LHFPL3: variants seen among roughly 807,000 people sequenced by gnomAD.
The protein encoded by LHFPL3 is LHFPL tetraspan subfamily member 3, also known as LHFPL tetraspan subfamily member 3 protein.
A neutral mutation model predicts 19.3 loss-of-function variants in LHFPL3; 5 were observed. The ratio of observed to expected loss-of-function variants is 0.26; its 90% CI spans 0.14 to 0.54. The LOEUF (loss-of-function observed/expected upper bound fraction) is 0.54. LHFPL3 is among the 20% of genes least tolerant of loss of function. LHFPL3 has a pLI of 0.94. For missense variants in LHFPL3, 249 were observed against 307.4 expected, an observed-to-expected ratio of 0.81 and a Z score of 1.42; for synonymous variants, 133 against 126.2, an observed-to-expected ratio of 1.05 and a Z score of -0.36.
chr7:104,780,253 G>A (rs528163188), intron 2 of LHFPL3, among the ~76,000 whole-genome samples: 1 of 144,178 alleles, frequency 6.9e-6, no homozygotes, highest in Non-Finnish European at 1.5e-5. Flanking sequence ...TTGAAAGAAA[G>A]GGAGCCAGAG....
At chr7:104,650,436 G>C (rs937841844) in intron 1 of LHFPL3, among the ~76,000 whole-genome samples, 6 of 152,210 alleles carry the variant, frequency 3.9e-5, no homozygotes, top group Non-Finnish European at 8.8e-5. Context: ...TACTTAGCGA[G>C]CAGTCCCTTC....
intron 1 of LHFPL3, among the ~76,000 whole-genome samples, chr7:104,382,402 C>T (rs1048055465): frequency 3.3e-5 from 5 of 152,288 alleles, no homozygotes; most frequent in Middle Eastern, 3.4e-3. Context: ...GCAAGAGAAT[C>T]GCTTGAACCT....
At chr7:104,513,504 C>T (rs1793861491) in intron 1 of LHFPL3, among the ~76,000 whole-genome samples, 1 of 152,052 alleles carries the variant, frequency 6.6e-6, no homozygotes, top group Non-Finnish European at 1.5e-5. Flanking sequence ...TGGAACTGTC[C>T]CTGGTGTTCC....
chr7:104,606,468 G>A (rs1235556356), intron 1 of LHFPL3, among the ~76,000 whole-genome samples: 3 of 152,152 alleles, frequency 2.0e-5, no homozygotes, highest in Admixed American at 2.0e-4. Flanking sequence ...TGTGAGGTTG[G>A]CAAATCACTT....
chr7:104,818,011 G>A (rs1474992866), intron 2 of LHFPL3, among the ~76,000 whole-genome samples: 2 of 152,138 alleles, frequency 1.3e-5, no homozygotes, highest in East Asian at 3.9e-4. Flanking sequence ...AGTGTCTACC[G>A]TATTGGACAG....
chr7:104,501,204 C>T (rs773417819), intron 1 of LHFPL3, among the ~76,000 whole-genome samples: 30 of 152,242 alleles, frequency 2.0e-4, no homozygotes, highest in Middle Eastern at 3.4e-3. Flanking sequence ...AAATATTATT[C>T]CTTGGTTAAT....
chr7:104,479,583 C>T (rs760234104), intron 1 of LHFPL3, among the ~76,000 whole-genome samples: 1 of 151,900 alleles, frequency 6.6e-6, no homozygotes, highest in Non-Finnish European at 1.5e-5. Context: ...GTAGAGACGG[C>T]GTTTCACCAT....
intron 1 of LHFPL3, among the ~76,000 whole-genome samples, chr7:104,346,678 A>C (rs906538273): frequency 2.0e-5 from 2 of 100,568 alleles, no homozygotes; most frequent in African/African-American, 9.7e-5. Context: ...GATTTCTCTT[A>C]GTTCTATAAA....
chr7:104,690,506 T>C (rs1339266063), intron 1 of LHFPL3, among the ~76,000 whole-genome samples: 4 of 152,204 alleles, frequency 2.6e-5, no homozygotes, highest in Non-Finnish European at 2.9e-5. Flanking sequence ...ATTATCCTGA[T>C]TGGATCCAGG....
chr7:104,869,154 A>G (rs1195096617), intron 2 of LHFPL3, among the ~76,000 whole-genome samples: 1 of 152,244 alleles, frequency 6.6e-6, no homozygotes, highest in Non-Finnish European at 1.5e-5. Flanking sequence ...AAACCTAGGC[A>G]ATACCATTCA....
chr7:104,728,727 G>A (rs1793634494), intron 1 of LHFPL3, among the ~76,000 whole-genome samples: 1 of 151,994 alleles, frequency 6.6e-6, no homozygotes, highest in Non-Finnish European at 1.5e-5. Flanking sequence ...TTATTTGTAT[G>A]CTTACTCATT....
intron 2 of LHFPL3, among the ~76,000 whole-genome samples, chr7:104,867,694 C>A (rs750297536): frequency 2.0e-5 from 3 of 151,440 alleles, no homozygotes; most frequent in Admixed American, 2.0e-4. Flanking sequence ...TTCCAATCAA[C>A]AGAAAAAGAG....
chr7:104,801,543 G>GT (rs1790245628), intron 2 of LHFPL3, among the ~76,000 whole-genome samples: 1 of 151,962 alleles, frequency 6.6e-6, no homozygotes, highest in Admixed American at 6.6e-5. Flanking sequence ...TTGTTTTTTT[G>GT]TTTTTGTATG....
chr7:104,495,443 GC>G (rs1793450687), intron 1 of LHFPL3, among the ~76,000 whole-genome samples: 1 of 152,132 alleles, frequency 6.6e-6, no homozygotes, highest in African/African-American at 2.4e-5. Flanking sequence ...GAGTGCAGTG[GC>G]ACAATCTCAG....
At chr7:104,761,799 C>T (rs1487202546) in intron 2 of LHFPL3, among the ~76,000 whole-genome samples, 2 of 152,116 alleles carry the variant, frequency 1.3e-5, no homozygotes, top group African/African-American at 4.8e-5. Context: ...AACACAAAAC[C>T]CATCCTTGGG....
intron 1 of LHFPL3, among the ~76,000 whole-genome samples, chr7:104,395,997 A>G (rs1452149260): frequency 6.6e-6 from 1 of 152,192 alleles, no homozygotes; most frequent in African/African-American, 2.4e-5. Flanking sequence ...ACCAATGGCA[A>G]AAAGGCAGGT....
intron 1 of LHFPL3, among the ~76,000 whole-genome samples, chr7:104,416,251 G>A (rs1160978064): frequency 2.0e-5 from 3 of 152,168 alleles, no homozygotes; most frequent in African/African-American, 7.2e-5. Flanking sequence ...AAGATCATAA[G>A]CTAGAAGAGG....
intron 1 of LHFPL3, among the ~76,000 whole-genome samples, chr7:104,468,130 C>A (rs1473969663): frequency 6.6e-6 from 1 of 152,188 alleles, no homozygotes; most frequent in African/African-American, 2.4e-5. Flanking sequence ...TATCAAACTG[C>A]CACTGCTGCA....
chr7:104,460,609 G>GT (rs1287673765), intron 1 of LHFPL3, among the ~76,000 whole-genome samples: 7 of 151,944 alleles, frequency 4.6e-5, no homozygotes, highest in Non-Finnish European at 1.0e-4. Context: ...GTGATATTGA[G>GT]GTTTTTTTAA....
Sources: allele counts gnomAD v4.1 joint callset (sites outside exome capture counted in the v4.1 genomes callset), GRCh38; gene constraint gnomAD v4.1.1; transcripts MANE v1.5; gene names NCBI Gene and HGNC (gene_info 2026-07-23, HGNC 2026-07-21).